Variants in CDC73 observed in about 807,000 individuals in gnomAD.
The protein encoded by CDC73 is cell division cycle 73, also known as parafibromin.
In CDC73, 21 loss-of-function variants were observed where a neutral mutation model predicts 83.7. The ratio of observed to expected loss-of-function variants is 0.25; its 90% confidence interval spans 0.18 to 0.36. CDC73 has a LOEUF of 0.36. Among genes scored for constraint, CDC73 ranks in the 10% least tolerant of loss-of-function variants. The pLI, the probability that CDC73 is intolerant of heterozygous loss-of-function variation, is 1.00. For synonymous variants in CDC73, 224 were observed against 212.9 expected (o/e 1.05, Z -0.45); for missense variants, 342 against 653.3 (o/e 0.52, Z 5.19).
In CDC73 at chr1:193,122,399, C is replaced by T. The variant is rs990542990; in HGVS notation, c.131+68C>T. ...TTGGGCGCCCCCAGGCGACCTCTTTCTTAACCCCTCCCCCCGTTTCCCCTG... is the reference window on the plus strand; with the variant it reads ...TTGGGCGCCCCCAGGCGACCTCTTTTTTAACCCCTCCCCCCGTTTCCCCTG... On this transcript the variant is annotated intron_variant, in intron 1 of 16. Transcript: ENST00000367435. 5 of 1,602,354 alleles carry T rather than the reference C, an allele frequency of 3.1e-6. No homozygotes were observed. The African/African-American group carries it at 6.7e-5, about 21-fold the overall frequency.
In CDC73 at chr1:193,122,109, G is replaced by T; in HGVS notation, c.-92G>T. Reference sequence around the variant, plus strand: ...TTGGTTCGTCGCGGCGGCGAAGGAGGAGGAGGAAGAGGGCGAGGCGACAAG... The same window carrying T: ...TTGGTTCGTCGCGGCGGCGAAGGAGTAGGAGGAAGAGGGCGAGGCGACAAG... On this transcript the variant is annotated 5_prime_UTR_variant, in exon 1 of 17. Coordinates refer to ENST00000367435, the MANE Select transcript of CDC73 (RefSeq NM_024529.5). The T allele has an allele frequency of 7.8e-7, 1 of 1,283,626 alleles. No individual in the cohort carries two copies. Among genetic ancestry groups the T allele is most frequent in the East Asian group, 2.3e-5 (1 of 42,626 alleles). The allele number at this position is 1,283,626 out of a possible 1,614,324, so 79.5% of individuals were successfully genotyped here. A position where few individuals can be genotyped will look rare whatever the true frequency, so the allele number is the denominator to read the frequency against.
intron 8 of CDC73, among the ~76,000 whole-genome samples, chr1:193,148,964 T>C (rs1392308305): frequency 6.6e-6 from 1 of 152,180 alleles, no homozygotes; most frequent in African/African-American, 2.4e-5. Flanking sequence ...CACATTGAAA[T>C]GTATTAGAGT....
intron 10 of CDC73, among the ~76,000 whole-genome samples, chr1:193,188,338 A>C (rs1447318903): frequency 6.6e-6 from 1 of 152,128 alleles, no homozygotes; most frequent in Non-Finnish European, 1.5e-5. Flanking sequence ...GATTATCTAA[A>C]TTCTTATCCT....
At chr1:193,222,733 G>A (rs1051662066) in intron 13 of CDC73, among the ~76,000 whole-genome samples, 7 of 139,830 alleles carry the variant, frequency 5.0e-5, no homozygotes, top group Non-Finnish European at 1.1e-4. Flanking sequence ...AGTCTTGGTC[G>A]TTTTGATAAT....
chr1:193,189,632 A>G (rs1241707366), intron 10 of CDC73, among the ~76,000 whole-genome samples: 1 of 152,224 alleles, frequency 6.6e-6, no homozygotes, highest in Non-Finnish European at 1.5e-5. Context: ...TACTATGTGC[A>G]TCATGGCCAG....
chr1:193,207,020 A>G (rs939719373), intron 11 of CDC73, among the ~76,000 whole-genome samples: 1 of 152,160 alleles, frequency 6.6e-6, no homozygotes, highest in African/African-American at 2.4e-5. Context: ...AGCCCCCAAT[A>G]TTTAAATAGG....
At chr1:193,231,162 T>G (rs550193218) in intron 13 of CDC73, among the ~76,000 whole-genome samples, 1 of 152,332 alleles carries the variant, frequency 6.6e-6, no homozygotes, top group African/African-American at 2.4e-5. Context: ...TGATTATAAG[T>G]AATTTTGTTT....
chr1:193,192,208 C>T lies in CDC73; in HGVS notation c.973-11587C>T, dbSNP rs1016476927. Among the ~76,000 whole-genome samples, 32 of 151,930 alleles carry T rather than the reference C, an allele frequency of 2.1e-4. 1 individual carries two copies. The highest frequency in any genetic ancestry group is 1.2e-3 in the Admixed American group (19 of 15,256). On this transcript the variant is annotated intron_variant, in intron 10 of 16. Transcript: ENST00000367435. ...CTGTAATTCCAGCACTTTGGGAGGCCGAGATGAGCGAATCACCTGAGATTG... is the reference window on the plus strand; with the variant it reads ...CTGTAATTCCAGCACTTTGGGAGGCTGAGATGAGCGAATCACCTGAGATTG...
chr1:193,171,018 CCT>C (rs1480965381), intron 10 of CDC73, among the ~76,000 whole-genome samples: 18 of 152,156 alleles, frequency 1.2e-4, no homozygotes, highest in Admixed American at 1.2e-3. Context: ...AGAGAAAAGC[CCT>C]GTGTGATAAC....
chr1:193,127,148 T>C (rs1675591466), intron 2 of CDC73, among the ~76,000 whole-genome samples: 1 of 151,912 alleles, frequency 6.6e-6, no homozygotes, highest in Admixed American at 6.6e-5. Context: ...TGTGCACCTA[T>C]ACTCCCAGCT....
At chr1:193,211,085 C>A (rs925892376) in intron 11 of CDC73, among the ~76,000 whole-genome samples, 3 of 152,124 alleles carry the variant, frequency 2.0e-5, no homozygotes, top group African/African-American at 7.2e-5. Context: ...CCTGAACATC[C>A]ATGAATGTAA....
Position 193,193,780 on chromosome 1 carries a change from A to AGTGTGTGTGTGTGTGTGT in CDC73, c.973-9982_973-9965dup, listed in dbSNP as rs71111459. 2.9e-5 allele frequency among the ~76,000 whole-genome samples: 4 copies of AGTGTGTGTGTGTGTGTGT among 135,918 alleles called. No individual in the cohort carries two copies. The East Asian group carries it at 8.9e-4, about 30-fold the overall frequency. The allele number at this position is 135,918 out of a possible 152,430, so 89.2% of individuals were successfully genotyped here. The stretch of plus-strand genomic sequence containing the variant: ...AGAACATTTCAGCTGTCTTACTTGT[A>AGTGTGTGTGTGTGTGTGT]GTGTGTGTGTGTGTGTGTGTGTGTG... On this transcript the variant is annotated intron_variant, in intron 10 of 16. Coordinates refer to ENST00000367435, the MANE Select transcript of CDC73 (RefSeq NM_024529.5).
intron 10 of CDC73, among the ~76,000 whole-genome samples, chr1:193,202,821 AAC>A (rs1329381357): frequency 6.6e-6 from 1 of 152,084 alleles, no homozygotes; most frequent in Non-Finnish European, 1.5e-5. Context: ...TGCTATTTCA[AAC>A]AGTTTTACCA....
chr1:193,130,495 G>T (rs984045120), intron 3 of CDC73, among the ~76,000 whole-genome samples: 1 of 152,088 alleles, frequency 6.6e-6, no homozygotes, highest in Non-Finnish European at 1.5e-5. Flanking sequence ...GTAAATTGTT[G>T]TTTCTCTGAC....
intron 13 of CDC73, among the ~76,000 whole-genome samples, chr1:193,226,009 G>A (rs1455980249): frequency 1.3e-5 from 2 of 152,092 alleles, no homozygotes; most frequent in African/African-American, 4.8e-5. Context: ...TTTTTCCTGT[G>A]TTATCTTCTA....
intron 13 of CDC73, among the ~76,000 whole-genome samples, chr1:193,214,097 C>G (rs1312000078): frequency 6.6e-6 from 1 of 152,226 alleles, no homozygotes; most frequent in East Asian, 1.9e-4. Context: ...TCCAGTTCCT[C>G]TGTGTCCTTT....
intron 5 of CDC73, 135 bp downstream of exon 5, chr1:193,135,724 T>C: frequency 1.5e-6 from 1 of 677,746 alleles, no homozygotes; most frequent in Non-Finnish European, 2.6e-6. Context: ...GAAAGAACAA[T>C]TGATTAATAA....
At chr1:193,196,931 GT>G (rs1031031972) in intron 10 of CDC73, among the ~76,000 whole-genome samples, 1 of 152,056 alleles carries the variant, frequency 6.6e-6, no homozygotes, top group African/African-American at 2.4e-5. Context: ...AATGCCTTCT[GT>G]TTTTCTTGCC....
At chr1:193,230,327 T>G (rs1558318881) in intron 13 of CDC73, among the ~76,000 whole-genome samples, 1 of 151,874 alleles carries the variant, frequency 6.6e-6, no homozygotes, top group Non-Finnish European at 1.5e-5. Context: ...TTTTGTATAT[T>G]TAGTAGAGAC....
Sources: gnomAD v4.1 joint callset for allele counts (sites outside exome capture counted in the v4.1 genomes callset) on GRCh38, gnomAD v4.1.1 for gene constraint, MANE v1.5 for transcripts, NCBI Gene and HGNC (gene_info 2026-07-23, HGNC 2026-07-21) for gene names.